GSK3B: variants seen among roughly 807,000 people sequenced by gnomAD.
The protein encoded by GSK3B is glycogen synthase kinase-3 beta.
A neutral mutation model predicts 56.4 loss-of-function variants in GSK3B; 15 were observed. The ratio of observed to expected loss-of-function variants is 0.27; its 90% CI spans 0.18 to 0.41. The LOEUF is 0.41. Ranked by LOEUF, GSK3B falls within the 10% of genes least tolerant of loss-of-function variation. GSK3B has a pLI of 1.00. For synonymous variants in GSK3B, 181 were observed against 188.9 expected (o/e 0.96, Z 0.34); for missense variants, 300 against 513.4 (o/e 0.58, Z 4.02).
In GSK3B at chr3:119,911,415, G is replaced by A. The variant is rs563309023; in HGVS notation, c.715+1289C>T. Among the ~76,000 whole-genome samples, 3 of 152,192 alleles carry A rather than the reference G, an allele frequency of 2.0e-5. No individual in the cohort carries two copies. In the South Asian group the frequency reaches 6.2e-4, roughly 32 times the overall value. On this transcript the variant is annotated intron_variant, in intron 6 of 10. Coordinates refer to ENST00000264235, the MANE Select transcript of GSK3B (RefSeq NM_001146156.2). ...ATTCTTAAGGGCCCTAGGATTTCTG[G>A]AATGGTAAATGAGCAGTGGCTTGCA... is the stretch of plus-strand genomic sequence containing the variant.
At chr3:119,982,250 A>G (rs1438791364) in intron 2 of GSK3B, among the ~76,000 whole-genome samples, 1 of 152,214 alleles carries the variant, frequency 6.6e-6, no homozygotes, top group African/African-American at 2.4e-5. Flanking sequence ...AACCACAAAG[A>G]TGAGGAGAAC....
intron 1 of GSK3B, among the ~76,000 whole-genome samples, chr3:120,064,374 A>T (rs1451148060): frequency 6.6e-6 from 1 of 151,996 alleles, no homozygotes; most frequent in Non-Finnish European, 1.5e-5. Flanking sequence ...ACTAACAATA[A>T]ACAATCTGAA....
intron 3 of GSK3B, among the ~76,000 whole-genome samples, chr3:119,926,295 TAATC>T (rs2056888036): frequency 6.6e-6 from 1 of 151,350 alleles, no homozygotes; most frequent in Non-Finnish European, 1.5e-5. Context: ...GAATCATCCT[TAATC>T]AACTCCCAGC....
At chr3:120,085,706 G>T (rs2058457810) in intron 1 of GSK3B, among the ~76,000 whole-genome samples, 1 of 152,162 alleles carries the variant, frequency 6.6e-6, no homozygotes, top group Admixed American at 6.5e-5. Context: ...GGAGGCTGAG[G>T]CAGGGGAATT....
At chr3:119,994,995 A>G (rs2057600762) in intron 2 of GSK3B, among the ~76,000 whole-genome samples, 1 of 152,126 alleles carries the variant, frequency 6.6e-6, no homozygotes, top group Non-Finnish European at 1.5e-5. Context: ...ATTTAGGGAT[A>G]AAAGAGCCTC....
At chr3:119,871,549 T>A (rs183708990) in intron 8 of GSK3B, among the ~76,000 whole-genome samples, 103 of 152,298 alleles carry the variant, frequency 6.8e-4, no homozygotes, top group South Asian at 6.2e-4. Flanking sequence ...ATAGGAGTTA[T>A]GTGGTAGGAT....
chr3:119,956,198 G>A (rs546974864), intron 2 of GSK3B, among the ~76,000 whole-genome samples: 1 of 152,288 alleles, frequency 6.6e-6, no homozygotes, highest in African/African-American at 2.4e-5. Flanking sequence ...TCAGTGGCCG[G>A]GGAAGCTGTT....
intron 10 of GSK3B, among the ~76,000 whole-genome samples, chr3:119,838,994 A>C (rs1559802821): frequency 6.6e-6 from 1 of 152,204 alleles, no homozygotes; most frequent in Non-Finnish European, 1.5e-5. Flanking sequence ...CCTCAGTGTT[A>C]ATGTCCTCAA....
At chr3:120,053,640 C>T (rs1394808103) in intron 1 of GSK3B, among the ~76,000 whole-genome samples, 1 of 152,198 alleles carries the variant, frequency 6.6e-6, no homozygotes, top group African/African-American at 2.4e-5. Flanking sequence ...AATGGTTTGG[C>T]TGTGTCCCAC....
In GSK3B at chr3:120,002,030, A is replaced by C; in HGVS notation, c.282+16T>G. ...TTACGACAGCAACAAAATATATGAA[A>C]TACTGGACATTTTACCTTAAATCTC... On this transcript the variant is annotated intron_variant, in intron 2 of 10. Coordinates refer to ENST00000264235, the MANE Select transcript of GSK3B (RefSeq NM_001146156.2). 2 of 1,525,318 alleles carry C rather than the reference A, an allele frequency of 1.3e-6. No homozygotes were observed. Among genetic ancestry groups the C allele is most frequent in the South Asian group, 2.5e-5 (2 of 79,596 alleles). 94.5% of individuals were successfully genotyped at this position (1,525,318 alleles called of 1,614,324 possible). A position where few individuals can be genotyped will look rare whatever the true frequency, so the allele number is the denominator to read the frequency against.
chr3:119,889,887 A>C (rs1322775327), intron 7 of GSK3B, among the ~76,000 whole-genome samples: 1 of 152,152 alleles, frequency 6.6e-6, no homozygotes, highest in African/African-American at 2.4e-5. Context: ...TAGAGTGCCT[A>C]TATTAATATT....
At chr3:120,085,611 C>T (rs970514397) in intron 1 of GSK3B, among the ~76,000 whole-genome samples, 5 of 152,156 alleles carry the variant, frequency 3.3e-5, no homozygotes, top group African/African-American at 2.4e-5. Context: ...ACTAGTCTGG[C>T]CAACATGGTG....
chr3:120,067,759 A>G (rs1422984966), intron 1 of GSK3B, among the ~76,000 whole-genome samples: 2 of 152,268 alleles, frequency 1.3e-5, no homozygotes, highest in African/African-American at 4.8e-5. Flanking sequence ...TGAATGTGGG[A>G]AATTCCAAAG....
At chr3:119,867,946 A>C (rs1229963990) in intron 8 of GSK3B, among the ~76,000 whole-genome samples, 1 of 152,196 alleles carries the variant, frequency 6.6e-6, no homozygotes, top group Non-Finnish European at 1.5e-5. Context: ...AAGAACTGAG[A>C]GCACAAAATA....
intron 2 of GSK3B, among the ~76,000 whole-genome samples, chr3:119,968,518 C>T (rs139286656): frequency 1.5e-3 from 232 of 152,134 alleles, no homozygotes; most frequent in Middle Eastern, 3.4e-3. Flanking sequence ...TAATGTAATC[C>T]ATCACATCAA....
chr3:119,934,776 T>C (rs2056978504), intron 3 of GSK3B, among the ~76,000 whole-genome samples: 1 of 152,168 alleles, frequency 6.6e-6, no homozygotes, highest in Admixed American at 6.5e-5. Flanking sequence ...TGTTCCAAAA[T>C]ACATATGTTA....
At chr3:120,085,280 T>C (rs2058454618) in intron 1 of GSK3B, among the ~76,000 whole-genome samples, 1 of 152,188 alleles carries the variant, frequency 6.6e-6, no homozygotes, top group Non-Finnish European at 1.5e-5. Flanking sequence ...TTATATCTTA[T>C]TATTAAAAGT....
intron 1 of GSK3B, among the ~76,000 whole-genome samples, chr3:120,010,543 G>GT (rs1205427755): frequency 6.6e-6 from 1 of 152,104 alleles, no homozygotes; most frequent in Non-Finnish European, 1.5e-5. Context: ...AGTCAAAACT[G>GT]TAACACCAAA....
At chr3:120,034,973 G>A (rs2126583) in intron 1 of GSK3B, among the ~76,000 whole-genome samples, 79,791 of 151,888 alleles carry the variant, frequency 0.53, 24,279 homozygotes, top group African/African-American at 0.85. Flanking sequence ...GGCACCTGTA[G>A]TCCCAGCTAC....
Sources: allele counts gnomAD v4.1 joint callset (sites outside exome capture counted in the v4.1 genomes callset), GRCh38; gene constraint gnomAD v4.1.1; transcripts MANE v1.5; gene names NCBI Gene and HGNC (gene_info 2026-07-23, HGNC 2026-07-21).